ADAM18: variants seen among roughly 807,000 people sequenced by gnomAD.
ADAM18 encodes the protein disintegrin and metalloproteinase domain-containing protein 18.
A neutral mutation model predicts 94.4 loss-of-function variants in ADAM18; 117 were observed. The ratio of observed to expected loss-of-function variants is 1.24; its 90% CI spans 1.07 to 1.45. ADAM18 has a LOEUF of 1.45. Among genes scored for constraint, ADAM18 ranks in the 40% most tolerant of loss-of-function variants. ADAM18 has a pLI of 0.00. For synonymous variants in ADAM18, 327 were observed against 291.6 expected (o/e 1.12, Z -1.24); for missense variants, 936 against 880.0 (o/e 1.06, Z -0.81).
intron 7 of ADAM18, among the ~76,000 whole-genome samples, chr8:39,631,326 C>T (rs1819925731): frequency 1.3e-5 from 2 of 151,758 alleles, no homozygotes; most frequent in Non-Finnish European, 2.9e-5. Flanking sequence ...TTTTTCTTTA[C>T]CTTTTAAAAT....
chr8:39,640,393 T>G (rs911421774), intron 10 of ADAM18, among the ~76,000 whole-genome samples: 1 of 152,184 alleles, frequency 6.6e-6, no homozygotes, highest in Non-Finnish European at 1.5e-5. Context: ...TATTGCATGA[T>G]GTATATGTAC....
intron 2 of ADAM18, among the ~76,000 whole-genome samples, chr8:39,598,603 A>G (rs1426391898): frequency 6.6e-6 from 1 of 151,836 alleles, no homozygotes; most frequent in African/African-American, 2.4e-5. Context: ...CCTGGTCTCT[A>G]CTAAAAATAT....
intron 2 of ADAM18, among the ~76,000 whole-genome samples, chr8:39,602,175 G>C (rs936920205): frequency 1.3e-5 from 2 of 152,094 alleles, no homozygotes; most frequent in African/African-American, 4.8e-5. Context: ...TGTTTTGGAT[G>C]CATACCCCAC....
chr8:39,718,184 C>T (rs1822633587), intron 18 of ADAM18, among the ~76,000 whole-genome samples: 2 of 151,444 alleles, frequency 1.3e-5, no homozygotes, highest in African/African-American at 4.8e-5. Flanking sequence ...GAAAATAGAA[C>T]TGTCATATGA....
At chr8:39,634,484 G>C (rs1820023756) in intron 7 of ADAM18, among the ~76,000 whole-genome samples, 2 of 152,202 alleles carry the variant, frequency 1.3e-5, no homozygotes, top group African/African-American at 4.8e-5. Flanking sequence ...AGCTATTAGG[G>C]TGGTGCCACT....
chr8:39,685,183 G>T (rs1821576738), intron 16 of ADAM18: 1 of 152,266 alleles, frequency 6.6e-6, no homozygotes, highest in Admixed American at 6.5e-5. Flanking sequence ...AGGGCATCTG[G>T]GGCATCCTTT....
chr8:39,610,462 T>G, intron 5 of ADAM18, 67 bp from the exon 6 acceptor site: 1 of 1,456,130 alleles, frequency 6.9e-7, no homozygotes, highest in Non-Finnish European at 9.1e-7. Context: ...CCATTTCAGA[T>G]TATCATTTTG....
At chr8:39,631,505 C>T (rs1018097207) in intron 7 of ADAM18, among the ~76,000 whole-genome samples, 5 of 151,854 alleles carry the variant, frequency 3.3e-5, no homozygotes, top group Non-Finnish European at 7.4e-5. Flanking sequence ...TGTGTGTGGC[C>T]TATTCCTTAG....
intron 14 of ADAM18, among the ~76,000 whole-genome samples, chr8:39,676,762 T>C (rs1338752806): frequency 6.6e-6 from 1 of 152,226 alleles, no homozygotes; most frequent in Non-Finnish European, 1.5e-5. Context: ...GAGTTGTTCC[T>C]ATTCGGCCAT....
At chr8:39,690,647 T>G (rs557663214) in intron 16 of ADAM18, among the ~76,000 whole-genome samples, 1 of 152,304 alleles carries the variant, frequency 6.6e-6, no homozygotes, top group African/African-American at 2.4e-5. Context: ...ACATTTTTTG[T>G]CATCCCAAAC....
In ADAM18 at chr8:39,608,914, C is replaced by T. The variant is rs1290481091; in HGVS notation, c.189-128C>T. The T allele has an allele frequency of 1.4e-5, 9 of 621,732 alleles. No homozygotes were observed. In the South Asian group the frequency reaches 1.9e-4, roughly 13 times the overall value. The allele number at this position is 621,732 out of a possible 1,614,324, so 38.5% of individuals were successfully genotyped here. A position where few individuals can be genotyped will look rare whatever the true frequency, so the allele number is the denominator to read the frequency against. Reference sequence around the variant, plus strand: ...TTCAACTGTTATGCCTCACTAAAATCACTCAATTAAATCATGCCATTATAT... The same window carrying T: ...TTCAACTGTTATGCCTCACTAAAATTACTCAATTAAATCATGCCATTATAT... On this transcript the variant is annotated intron_variant, in intron 3 of 19. Transcript: ENST00000265707.
chr8:39,622,066 T>G (rs1426861176), intron 6 of ADAM18, among the ~76,000 whole-genome samples: 1 of 152,166 alleles, frequency 6.6e-6, no homozygotes, highest in Non-Finnish European at 1.5e-5. Flanking sequence ...GTCCTGTACA[T>G]GTACCCCTGA....
At chr8:39,596,187 T>C (rs1340473200) in intron 2 of ADAM18, among the ~76,000 whole-genome samples, 1 of 152,226 alleles carries the variant, frequency 6.6e-6, no homozygotes, top group Non-Finnish European at 1.5e-5. Context: ...CAAATCTATA[T>C]TGACACATCA....
Position 39,680,042 on chromosome 8 carries a change from T to G in ADAM18, c.1637T>G (p.Val546Gly). 6.2e-7 allele frequency: 1 copy of G among 1,613,528 alleles called. No homozygotes were observed. The highest frequency in any genetic ancestry group is 2.2e-5 in the East Asian group (1 of 44,858). ...TTTTTGCTTTCCACTTCCAGGGATG[T>G]TCTCTGTGGAAAATTAGCTTGTGTT... ...SQPLPCERKDVLCGKLACVQP... is the reference protein window; with the variant it reads ...SQPLPCERKDGLCGKLACVQP... Residue 546 changes from valine to glycine, a missense_variant, in exon 16 of 20, where the codon GTT (valine) becomes GGT (glycine). Transcript: ENST00000265707.
At chr8:39,718,228 G>T (rs1822635144) in intron 18 of ADAM18, among the ~76,000 whole-genome samples, 1 of 151,442 alleles carries the variant, frequency 6.6e-6, no homozygotes, top group Non-Finnish European at 1.5e-5. Context: ...CATATTTAAA[G>T]AAATTAAAAT....
Position 39,671,519 on chromosome 8 carries a change from C to T in ADAM18, c.1525+3323C>T, listed in dbSNP as rs533995192. Among the ~76,000 whole-genome samples the T allele has an allele frequency of 7.2e-5, 11 of 152,264 alleles. No individual in the cohort carries two copies. The South Asian group carries it at 2.3e-3, about 32-fold the overall frequency. On this transcript the variant is annotated intron_variant, in intron 14 of 19. Coordinates refer to ENST00000265707, the MANE Select transcript of ADAM18 (RefSeq NM_014237.3). ...AGGAAGACTTAATTGAGAAGTTAAA[C>T]TCTATATAAGTTTGAATTCCTTATC...
chr8:39,714,348 T>C (rs1586009322), intron 18 of ADAM18, among the ~76,000 whole-genome samples: 1 of 152,146 alleles, frequency 6.6e-6, no homozygotes, highest in East Asian at 1.9e-4. Context: ...AAATGATGAG[T>C]TGATGGGTGC....
At chr8:39,588,911 G>A (rs1419753237) in intron 2 of ADAM18, among the ~76,000 whole-genome samples, 1 of 152,184 alleles carries the variant, frequency 6.6e-6, no homozygotes, top group Admixed American at 6.5e-5. Flanking sequence ...GATATGGTCA[G>A]GAAGTAGGCA....
At chr8:39,612,100 C>A (rs1478243901) in intron 6 of ADAM18, among the ~76,000 whole-genome samples, 1 of 151,772 alleles carries the variant, frequency 6.6e-6, no homozygotes, top group African/African-American at 2.4e-5. Context: ...ATTATACTAT[C>A]CAGCTAAAAG....
Sources: allele counts gnomAD v4.1 joint callset (sites outside exome capture counted in the v4.1 genomes callset), GRCh38; gene constraint gnomAD v4.1.1; transcripts MANE v1.5; gene names NCBI Gene and HGNC (gene_info 2026-07-23, HGNC 2026-07-21).